The following DLG1 variants were observed in gnomAD, a reference collection of about 807,000 sequenced individuals.
The protein encoded by DLG1 is discs large MAGUK scaffold protein 1.
A neutral mutation model predicts 123.4 loss-of-function variants in DLG1; 42 were observed. That is an observed-to-expected ratio of 0.34 (90% confidence interval 0.27 to 0.44). The LOEUF is 0.44. Ranked by LOEUF, DLG1 falls within the 20% of genes least tolerant of loss-of-function variation. The pLI, the probability that DLG1 is intolerant of heterozygous loss-of-function variation, is 1.00. For synonymous variants in DLG1, 317 were observed against 356.2 expected (o/e 0.89, Z 1.24); for missense variants, 942 against 1,082.6 (o/e 0.87, Z 1.82).
rs528428348 is a variant in DLG1 at position 197,085,138 on chromosome 3, T to A, written c.1838+442A>T. On this transcript the variant is annotated intron_variant, in intron 16 of 24. Coordinates refer to ENST00000667157, the MANE Select transcript of DLG1 (RefSeq NM_001366207.1). ...ACTTAATGATTTTATATATATATAT[T>A]ATATATATACATACTGTGAAATAAT... Among the ~76,000 whole-genome samples, 272 of 151,222 alleles carry A rather than the reference T, an allele frequency of 1.8e-3. 3 individuals are homozygous for A. The highest frequency in any genetic ancestry group is 6.2e-3 in the African/African-American group (254 of 41,274).
At chr3:197,156,754 T>C (rs577821934) in intron 5 of DLG1, among the ~76,000 whole-genome samples, 1 of 152,090 alleles carries the variant, frequency 6.6e-6, no homozygotes, top group Non-Finnish European at 1.5e-5. Flanking sequence ...AATGTAACAA[T>C]TACAAAAATT....
Position 197,062,966 on chromosome 3 carries a change from T to C in DLG1, c.2373+2310A>G, listed in dbSNP as rs117276959. On this transcript the variant is annotated intron_variant, in intron 22 of 24. Coordinates refer to ENST00000667157, the MANE Select transcript of DLG1 (RefSeq NM_001366207.1). ...TCAAACCTCACTCCCACTACTGCCA[T>C]TGTATTAGTTTATTTGCTCAACCCT... is the stretch of plus-strand genomic sequence containing the variant. 1.6e-3 allele frequency among the ~76,000 whole-genome samples: 240 copies of C among 152,236 alleles called. 1 individual carries two copies. In the East Asian group the frequency reaches 0.026, roughly 17 times the overall value.
At chr3:197,240,752 GGAACTGAGAAATACACTTGCT>G (rs1178614553) in intron 4 of DLG1, among the ~76,000 whole-genome samples, 3 of 140,682 alleles carry the variant, frequency 2.1e-5, no homozygotes, top group Non-Finnish European at 4.7e-5. Flanking sequence ...CAGAAATCTT[GGAACTGAGAAATACACTTGCT>G]GAACTGATTC....
chr3:197,227,608 C>G (rs1341261553), intron 4 of DLG1, among the ~76,000 whole-genome samples: 2 of 152,292 alleles, frequency 1.3e-5, no homozygotes, highest in African/African-American at 2.4e-5. Context: ...GAAAAGTATA[C>G]TATATTTTGC....
At chr3:197,191,823 A>C (rs964130740) in intron 5 of DLG1, among the ~76,000 whole-genome samples, 2 of 152,226 alleles carry the variant, frequency 1.3e-5, no homozygotes, top group Non-Finnish European at 2.9e-5. Flanking sequence ...AAGGAAGAGA[A>C]ACAATTTTTA....
At chr3:197,288,931 A>G (rs1002134208) in intron 3 of DLG1, among the ~76,000 whole-genome samples, 1 of 152,114 alleles carries the variant, frequency 6.6e-6, no homozygotes, top group Admixed American at 6.6e-5. Context: ...TGTCTACCCA[A>G]TAAGTGACTG....
chr3:197,136,572 G>T lies in DLG1; in HGVS notation c.990C>A (p.Gly330=), dbSNP rs1450940135. The change falls in exon 10 of 25, where the codon GGC becomes GGA. Residue 330 remains glycine (G), a synonymous_variant. Coordinates refer to ENST00000667157, the MANE Select transcript of DLG1 (RefSeq NM_001366207.1). ...AAAGTTTATCTCCAATCTGAAGTTT[G>T]CCATCCTTATGTGCTGCACCTCCTT... is the stretch of plus-strand genomic sequence containing the variant. ...IIEGGAAHKD[G]KLQIGDKLLA... The T allele has an allele frequency of 6.2e-7, 1 of 1,612,228 alleles. No homozygotes were observed. The highest frequency in any genetic ancestry group is 8.5e-7 in the Non-Finnish European group (1 of 1,179,214).
At chr3:197,105,157 T>C (rs1387067154) in intron 13 of DLG1, 152 bp from the exon 14 acceptor site, 1 of 532,172 alleles carries the variant, frequency 1.9e-6, no homozygotes, top group South Asian at 2.8e-5. Flanking sequence ...TAAAAATATA[T>C]TGTGTAGTAA....
At chr3:197,266,557 G>A (rs1761775954) in intron 4 of DLG1, among the ~76,000 whole-genome samples, 1 of 152,036 alleles carries the variant, frequency 6.6e-6, no homozygotes, top group Non-Finnish European at 1.5e-5. Context: ...AGGATGCAGT[G>A]GGCCATGACC....
intron 4 of DLG1, among the ~76,000 whole-genome samples, chr3:197,252,051 T>C (rs561719214): frequency 2.3e-4 from 35 of 152,310 alleles, no homozygotes; most frequent in Middle Eastern, 3.4e-3. Flanking sequence ...TTCCCTCTTT[T>C]ATAGTTCTTG....
chr3:197,069,294 A>G (rs1269751338), intron 18 of DLG1, 34 bp from the exon 19 acceptor site: 6 of 1,472,804 alleles, frequency 4.1e-6, no homozygotes, highest in Non-Finnish European at 5.6e-6. Context: ...AAAATAAAAC[A>G]GTGTCATGAG....
rs71162001 is a variant in DLG1, at chr3:197,196,171, CAAAAAAAAAAAAA to C, written c.319-1595_319-1583del. On this transcript the variant is annotated intron_variant, in intron 4 of 24. Coordinates refer to ENST00000667157, the MANE Select transcript of DLG1 (RefSeq NM_001366207.1). ...AAAATGTACGTTTGTAAATGCACAC[CAAAAAAAAAAAAA>C]AAAAAAAAAAAAGAATGGTAACTAT... Among the ~76,000 whole-genome samples the C allele has an allele frequency of 3.4e-5, 3 of 88,714 alleles. No homozygotes were observed. In the Admixed American group the frequency reaches 4.1e-4, roughly 12 times the overall value. 58.2% of individuals were successfully genotyped at this position (88,714 alleles called of 152,430 possible).
intron 2 of DLG1, chr3:197,296,956 G>C (rs1419959694): frequency 2.0e-5 from 11 of 551,606 alleles, no homozygotes; most frequent in Non-Finnish European, 3.2e-5. Flanking sequence ...CATCTGTTGG[G>C]GGGGGGCTAA....
At chr3:197,050,310 T>G (rs962414149) in intron 24 of DLG1, among the ~76,000 whole-genome samples, 5 of 151,624 alleles carry the variant, frequency 3.3e-5, no homozygotes, top group Non-Finnish European at 5.9e-5. Context: ...GAGGTTGCAG[T>G]GAGCCGAGAT....
intron 5 of DLG1, among the ~76,000 whole-genome samples, chr3:197,171,659 T>G (rs1198333969): frequency 2.6e-5 from 4 of 152,176 alleles, no homozygotes; most frequent in African/African-American, 9.7e-5. Context: ...TTAAGGTTTC[T>G]CATCCCTCCA....
chr3:197,252,361 G>A (rs894178231), intron 4 of DLG1, among the ~76,000 whole-genome samples: 5 of 152,174 alleles, frequency 3.3e-5, no homozygotes, highest in African/African-American at 9.6e-5. Flanking sequence ...TAATGGATAC[G>A]AAAAATGTGG....
At chr3:197,083,275 A>G (rs1365847940) in intron 16 of DLG1, among the ~76,000 whole-genome samples, 1 of 152,220 alleles carries the variant, frequency 6.6e-6, no homozygotes, top group Non-Finnish European at 1.5e-5. Context: ...AAAGGTCTAG[A>G]AATAGTTACG....
At chr3:197,147,269 T>A (rs1791285014) in intron 6 of DLG1, among the ~76,000 whole-genome samples, 1 of 152,136 alleles carries the variant, frequency 6.6e-6, no homozygotes, top group African/African-American at 2.4e-5. Flanking sequence ...TACCGTTTGA[T>A]CCAGCAATTC....
chr3:197,291,636 T>C (rs1490365397), intron 3 of DLG1, among the ~76,000 whole-genome samples: 1 of 152,214 alleles, frequency 6.6e-6, no homozygotes, highest in Non-Finnish European at 1.5e-5. Flanking sequence ...AAAACAACGA[T>C]AAAGAATATC....
Sources: allele counts gnomAD v4.1 joint callset (sites outside exome capture counted in the v4.1 genomes callset), GRCh38; gene constraint gnomAD v4.1.1; transcripts MANE v1.5; gene names NCBI Gene and HGNC (gene_info 2026-07-23, HGNC 2026-07-21).